The following ZC4H2 variants were observed in gnomAD, a reference collection of about 807,000 sequenced individuals.
ZC4H2 encodes zinc finger C4H2-type containing.
For synonymous variants in ZC4H2, 84 were observed against 66.3 expected (o/e 1.27, Z -1.30); for missense variants, 137 against 173.9 (o/e 0.79, Z 1.19).
chrX:65,028,542 T>A (rs1932903312), intron 1 of ZC4H2, among the ~76,000 whole-genome samples: 1 of 110,658 alleles, frequency 9.0e-6, no homozygotes. Context: ...GGGGATTTTT[T>A]TTTTTTTGAG....
At chrX:64,962,131 A>C (rs1931416932) in intron 1 of ZC4H2, among the ~76,000 whole-genome samples, 1 of 111,798 alleles carries the variant, frequency 8.9e-6, no homozygotes, top group African/African-American at 3.2e-5. Context: ...AGAGGACACT[A>C]TCTCTGATGA....
chrX:65,013,107 TG>T (rs1932773123), intron 1 of ZC4H2, among the ~76,000 whole-genome samples: 1 of 111,206 alleles, frequency 9.0e-6, no homozygotes, highest in African/African-American at 3.3e-5. Flanking sequence ...GATACCGTGT[TG>T]GCAGTTATAA....
intron 1 of ZC4H2, among the ~76,000 whole-genome samples, chrX:64,998,199 C>T (rs989308113): frequency 9.0e-6 from 1 of 111,583 alleles, no homozygotes; most frequent in South Asian, 3.8e-4. Flanking sequence ...ATAAATTAAA[C>T]TCTCAATGAA....
chrX:64,994,205 G>C (rs762671098), intron 1 of ZC4H2, among the ~76,000 whole-genome samples: 1 of 111,555 alleles, frequency 9.0e-6, no homozygotes, highest in South Asian at 3.8e-4. Flanking sequence ...GGTATTATTA[G>C]TATGATTCTC....
At chrX:64,954,805 A>G (rs1343216296) in intron 1 of ZC4H2, among the ~76,000 whole-genome samples, 1 of 111,131 alleles carries the variant, frequency 9.0e-6, no homozygotes, top group Admixed American at 9.7e-5. Context: ...TAACAAGAAA[A>G]TACTCTGCCA....
At chrX:64,922,088 CT>C in intron 1 of ZC4H2, 100 bp from the exon 2 acceptor site, 1 of 1,125,443 alleles carries the variant, frequency 8.9e-7, no homozygotes, top group Non-Finnish European at 1.2e-6. Flanking sequence ...AAGCTTCCCC[CT>C]CTCCAGGCAG....
At chrX:64,918,598 A>G (rs1929035668) in intron 4 of ZC4H2, 1 of 116,208 alleles carries the variant, frequency 8.6e-6, no homozygotes, top group African/African-American at 3.2e-5. Flanking sequence ...CTATAAAGTT[A>G]CAGTTTTATT....
intron 1 of ZC4H2, among the ~76,000 whole-genome samples, chrX:64,990,186 C>T (rs1044341179): frequency 4.4e-5 from 5 of 112,419 alleles, no homozygotes; most frequent in African/African-American, 1.6e-4. Context: ...CCATGGAATA[C>T]TCCTCAACAA....
intron 1 of ZC4H2, among the ~76,000 whole-genome samples, chrX:64,928,382 C>G (rs773647800): frequency 8.9e-6 from 1 of 111,912 alleles, no homozygotes; most frequent in African/African-American, 3.2e-5. Context: ...AATAGGGAAT[C>G]CTTTCCACAT....
intron 1 of ZC4H2, among the ~76,000 whole-genome samples, chrX:64,983,683 C>T (rs771351630): frequency 2.7e-5 from 3 of 111,841 alleles, no homozygotes; most frequent in Non-Finnish European, 5.6e-5. Context: ...TGTATGTTAG[C>T]ACATAAAAAT....
intron 1 of ZC4H2, among the ~76,000 whole-genome samples, chrX:64,936,300 G>A (rs996154010): frequency 9.0e-6 from 1 of 111,239 alleles, no homozygotes; most frequent in African/African-American, 3.3e-5. Flanking sequence ...CGTTTCATTG[G>A]TGTACCTGAA....
At chrX:64,996,791 T>G (rs1004470749) in intron 1 of ZC4H2, among the ~76,000 whole-genome samples, 10 of 110,665 alleles carry the variant, frequency 9.0e-5, no homozygotes, top group African/African-American at 3.3e-4. Context: ...TACCCAGTCC[T>G]AAGAACCACA....
chrX:65,031,226 C>G (rs1263019072), intron 1 of ZC4H2, among the ~76,000 whole-genome samples: 1 of 112,254 alleles, frequency 8.9e-6, no homozygotes, highest in Non-Finnish European at 1.9e-5. Context: ...TCCATTACAA[C>G]TTTACACTTC....
intron 1 of ZC4H2, among the ~76,000 whole-genome samples, chrX:64,987,576 C>T (rs748982205): frequency 1.9e-5 from 2 of 105,631 alleles, no homozygotes; most frequent in African/African-American, 6.9e-5. Context: ...GACCTCATAT[C>T]TTATGCAAAA....
intron 1 of ZC4H2, among the ~76,000 whole-genome samples, chrX:65,011,956 C>T (rs755157698): frequency 2.7e-5 from 3 of 109,710 alleles, no homozygotes; most frequent in African/African-American, 9.9e-5. Context: ...CCTCGTGATC[C>T]ACCTGCCTCA....
chrX:64,950,781 T>C (rs1426450618), intron 1 of ZC4H2, among the ~76,000 whole-genome samples: 2 of 111,054 alleles, frequency 1.8e-5, no homozygotes, highest in Non-Finnish European at 3.8e-5. Context: ...AGCACACTGA[T>C]GGCTCTGGAT....
At chrX:64,935,368 C>T (rs972252985) in intron 1 of ZC4H2, among the ~76,000 whole-genome samples, 1 of 112,059 alleles carries the variant, frequency 8.9e-6, no homozygotes, top group Non-Finnish European at 1.9e-5. Flanking sequence ...GACAGAGCAC[C>T]AGTGGGAAGG....
At chrX:64,923,503 C>T (rs774419315) in intron 1 of ZC4H2, among the ~76,000 whole-genome samples, 25 of 109,827 alleles carry the variant, frequency 2.3e-4, no homozygotes, top group African/African-American at 7.9e-4. Context: ...ACACACTGGA[C>T]TCTGGCTTCT....
chrX:64,931,484 T>C (rs377766213), intron 1 of ZC4H2, among the ~76,000 whole-genome samples: 1 of 111,671 alleles, frequency 9.0e-6, no homozygotes, highest in Non-Finnish European at 1.9e-5. Flanking sequence ...GATTGATGCA[T>C]TTAACACCAT....
Sources: gnomAD v4.1 joint callset for allele counts (sites outside exome capture counted in the v4.1 genomes callset) on GRCh38, gnomAD v4.1.1 for gene constraint, MANE v1.5 for transcripts, NCBI Gene and HGNC (gene_info 2026-07-23, HGNC 2026-07-21) for gene names.